Variants in SCHIP1 observed in about 807,000 individuals in gnomAD.
SCHIP1 encodes the protein schwannomin-interacting protein 1.
Under a neutral mutation model 29.7 loss-of-function variants are expected in SCHIP1, and 8 were observed. That is an observed-to-expected ratio of 0.27 (90% CI 0.16 to 0.49). The LOEUF is 0.49. Among genes scored for constraint, SCHIP1 ranks in the 20% least tolerant of loss-of-function variants. The pLI is 0.99. For missense variants in SCHIP1, 193 were observed against 294.6 expected, an observed-to-expected ratio of 0.66 and a Z score of 2.52; for synonymous variants, 76 against 94.9, an observed-to-expected ratio of 0.80 and a Z score of 1.16.
the SCHIP1 span, among the ~76,000 whole-genome samples, chr3:159,589,658 G>T: frequency 1.4e-4 from 22 of 152,266 alleles, no homozygotes; most frequent in Non-Finnish European, 2.2e-4. Flanking sequence ...TAAGCGTTCT[G>T]TTAACCAAGA....
the SCHIP1 span, among the ~76,000 whole-genome samples, chr3:159,370,616 A>AAAAG: frequency 6.6e-6 from 1 of 152,216 alleles, no homozygotes; most frequent in Non-Finnish European, 1.5e-5. Flanking sequence ...GACTGAGTGA[A>AAAAG]AAAGATCCAA....
intron 2 of SCHIP1, among the ~76,000 whole-genome samples, chr3:159,866,664 C>A (rs192195543): frequency 6.6e-6 from 1 of 152,104 alleles, no homozygotes; most frequent in East Asian, 1.9e-4. Flanking sequence ...GAATCACCCC[C>A]CTGACACATT....
At chr3:159,843,536 T>C (rs962636745) in intron 1 of SCHIP1, among the ~76,000 whole-genome samples, 56 of 151,932 alleles carry the variant, frequency 3.7e-4, no homozygotes, top group African/African-American at 1.3e-3. Context: ...AAAGGCATTG[T>C]AAGGCAGGGC....
chr3:159,696,127 C>T, the SCHIP1 span, among the ~76,000 whole-genome samples: 18 of 152,218 alleles, frequency 1.2e-4, no homozygotes, highest in African/African-American at 4.1e-4. Context: ...GTTCTGAATC[C>T]CCTTAGCTTT....
the SCHIP1 span, among the ~76,000 whole-genome samples, chr3:159,340,277 A>G: frequency 6.6e-6 from 1 of 152,044 alleles, no homozygotes; most frequent in East Asian, 1.9e-4. Flanking sequence ...AAGAGGTAAT[A>G]CTCATTCAAA....
the SCHIP1 span, among the ~76,000 whole-genome samples, chr3:159,518,355 G>A: frequency 2.6e-4 from 39 of 152,136 alleles, no homozygotes; most frequent in South Asian, 3.1e-3. Context: ...TTATTTTTAT[G>A]TTTGATTACT....
the SCHIP1 span, among the ~76,000 whole-genome samples, chr3:159,376,352 C>A: frequency 6.6e-6 from 1 of 152,162 alleles, no homozygotes; most frequent in African/African-American, 2.4e-5. Context: ...CAGTTCTGCA[C>A]TGGAAGTTGG....
the SCHIP1 span, among the ~76,000 whole-genome samples, chr3:159,829,349 AC>A: frequency 1.3e-5 from 2 of 152,166 alleles, no homozygotes; most frequent in Non-Finnish European, 2.9e-5. Context: ...ATTAATTTGT[AC>A]CTATTATATG....
At chr3:159,693,696 G>A in the SCHIP1 span, among the ~76,000 whole-genome samples, 1 of 152,130 alleles carries the variant, frequency 6.6e-6, no homozygotes, top group Non-Finnish European at 1.5e-5. Context: ...CATTTACTTT[G>A]TACACCTGCC....
the SCHIP1 span, among the ~76,000 whole-genome samples, chr3:159,495,012 A>C: frequency 6.6e-6 from 1 of 152,228 alleles, no homozygotes; most frequent in Admixed American, 6.5e-5. Context: ...AAACCACATG[A>C]TTATCTCAAT....
chr3:159,596,385 G>A, the SCHIP1 span, among the ~76,000 whole-genome samples: 12 of 152,342 alleles, frequency 7.9e-5, no homozygotes, highest in Admixed American at 3.9e-4. Context: ...GTAGAAGAGA[G>A]TGTGGCGATT....
At chr3:159,650,152 G>T in the SCHIP1 span, among the ~76,000 whole-genome samples, 1 of 152,136 alleles carries the variant, frequency 6.6e-6, no homozygotes, top group African/African-American at 2.4e-5. Context: ...CAGGACAGAT[G>T]GTATTCTGTC....
upstream of SCHIP1, among the ~76,000 whole-genome samples, chr3:159,839,386 T>C (rs988674704): frequency 1.3e-5 from 2 of 151,926 alleles, no homozygotes; most frequent in Non-Finnish European, 2.9e-5. Flanking sequence ...AAAAAACTTA[T>C]AACAGCAATT....
At chr3:159,629,932 T>C in the SCHIP1 span, among the ~76,000 whole-genome samples, 324 of 152,204 alleles carry the variant, frequency 2.1e-3, 3 homozygotes, top group Middle Eastern at 0.014. Context: ...AAGACACTAT[T>C]ATAAGTGGCG....
the SCHIP1 span, among the ~76,000 whole-genome samples, chr3:159,812,261 G>T: frequency 1.3e-5 from 2 of 152,106 alleles, no homozygotes; most frequent in Non-Finnish European, 2.9e-5. Flanking sequence ...GTGAGCCATC[G>T]CGCCCGGCCT....
chr3:159,517,945 C>T, the SCHIP1 span, among the ~76,000 whole-genome samples: 2 of 152,004 alleles, frequency 1.3e-5, no homozygotes, highest in African/African-American at 2.4e-5. Context: ...AGCAAATATT[C>T]AATGGGGTAT....
the SCHIP1 span, among the ~76,000 whole-genome samples, chr3:159,360,291 TATA>T: frequency 6.6e-6 from 1 of 152,208 alleles, no homozygotes; most frequent in African/African-American, 2.4e-5. Flanking sequence ...GTATACTACA[TATA>T]GTAGTATTCA....
At chr3:159,495,686 G>A in the SCHIP1 span, among the ~76,000 whole-genome samples, 4 of 152,128 alleles carry the variant, frequency 2.6e-5, no homozygotes, top group African/African-American at 7.2e-5. Flanking sequence ...TACTGCCCAA[G>A]GTAATTTATA....
the SCHIP1 span, chr3:159,274,103 A>AT: frequency 3.0e-6 from 3 of 985,182 alleles, no homozygotes; most frequent in East Asian, 2.3e-4. Context: ...GGTGCTTTGA[A>AT]TTTTGAGAAT....
Sources: allele counts gnomAD v4.1 joint callset (sites outside exome capture counted in the v4.1 genomes callset), GRCh38; gene constraint gnomAD v4.1.1; transcripts MANE v1.5; gene names NCBI Gene and HGNC (gene_info 2026-07-23, HGNC 2026-07-21).